Variants in IRGM observed in about 807,000 individuals in gnomAD.
IRGM encodes immunity related GTPase M, also known as immunity-related GTPase family M protein.
For synonymous variants in IRGM, 98 were observed against 80.6 expected, an observed-to-expected ratio of 1.22 and a Z score of -1.16; for missense variants, 288 against 219.9, an observed-to-expected ratio of 1.31 and a Z score of -1.96.
chr5:150,878,532 TTAAAA>T (rs1754399427), intron 2 of IRGM, among the ~76,000 whole-genome samples: 1 of 152,108 alleles, frequency 6.6e-6, no homozygotes, highest in African/African-American at 2.4e-5. Context: ...TACTTTCCAC[TTAAAA>T]TAAAAACATA....
chr5:150,883,337 C>A (rs1210043373), intron 3 of IRGM, among the ~76,000 whole-genome samples: 1 of 151,212 alleles, frequency 6.6e-6, no homozygotes, highest in Non-Finnish European at 1.5e-5. Context: ...TAGTGTTATA[C>A]CTCAAGGAAC....
chr5:150,853,107 C>T (rs930507923), downstream of IRGM, among the ~76,000 whole-genome samples: 5 of 152,100 alleles, frequency 3.3e-5, no homozygotes, highest in African/African-American at 1.2e-4. Context: ...CCTCTTCATA[C>T]TGCTTTTACA....
At chr5:150,901,313 A>G (rs1754987739), downstream of IRGM, among the ~76,000 whole-genome samples, 1 of 152,102 alleles carries the variant, frequency 6.6e-6, no homozygotes, top group Non-Finnish European at 1.5e-5. Context: ...AATAATATAC[A>G]TTTATTCCCA....
chr5:150,875,457 A>C (rs1369937884), intron 1 of IRGM, among the ~76,000 whole-genome samples: 1 of 152,204 alleles, frequency 6.6e-6, no homozygotes, highest in African/African-American at 2.4e-5. Context: ...ATTAGTGACA[A>C]AGAAATTTGG....
intron 1 of IRGM, among the ~76,000 whole-genome samples, chr5:150,860,888 T>A (rs2113264175): frequency 6.6e-6 from 1 of 152,292 alleles, no homozygotes; most frequent in Admixed American, 6.5e-5. Context: ...GGAAACTGAT[T>A]TTTTTTTCAG....
chr5:150,885,623 T>C (rs1385903602), intron 3 of IRGM, among the ~76,000 whole-genome samples: 4 of 152,116 alleles, frequency 2.6e-5, no homozygotes, highest in Non-Finnish European at 5.9e-5. Context: ...ATTGTAGAGA[T>C]CATTCACCTC....
At chr5:150,851,535 ATTTTT>A (rs1306739165), downstream of IRGM, among the ~76,000 whole-genome samples, 1 of 152,160 alleles carries the variant, frequency 6.6e-6, no homozygotes, top group African/African-American at 2.4e-5. Context: ...ATATGATTGA[ATTTTT>A]TGTTTTGTTC....
intron 1 of IRGM, among the ~76,000 whole-genome samples, chr5:150,874,988 G>T (rs567017048): frequency 6.6e-6 from 1 of 152,146 alleles, no homozygotes; most frequent in Non-Finnish European, 1.5e-5. Context: ...AGTGGGGCAC[G>T]CACAGCAGCA....
chr5:150,892,890 A>G (rs57001853), intron 3 of IRGM, among the ~76,000 whole-genome samples: 31,746 of 151,968 alleles, frequency 0.21, 5,360 homozygotes, highest in African/African-American at 0.45. Context: ...GATTACGGAC[A>G]TGAGCCACAA....
intron 3 of IRGM, among the ~76,000 whole-genome samples, chr5:150,889,389 T>C (rs1389425625): frequency 6.6e-6 from 1 of 152,058 alleles, no homozygotes; most frequent in Non-Finnish European, 1.5e-5. Flanking sequence ...ACTTATTTAC[T>C]ATCACAAGAA....
At chr5:150,887,115 C>A (rs1443447143) in intron 3 of IRGM, among the ~76,000 whole-genome samples, 1 of 151,688 alleles carries the variant, frequency 6.6e-6, no homozygotes. Context: ...GACAGAAATG[C>A]AATTCAGAAT....
At chr5:150,869,756 G>T (rs935984321) in intron 1 of IRGM, among the ~76,000 whole-genome samples, 1 of 152,020 alleles carries the variant, frequency 6.6e-6, no homozygotes, top group Admixed American at 6.6e-5. Context: ...AGCTCATGAG[G>T]CACCCACTTA....
chr5:150,847,352 T>C (rs974151972), intron 1 of IRGM, 132 bp downstream of exon 1: 3 of 152,364 alleles, frequency 2.0e-5, no homozygotes, highest in Non-Finnish European at 4.4e-5. Context: ...TCTTGAAATA[T>C]GTACTGAAAC....
At chr5:150,881,911 A>T (rs904638267) in intron 3 of IRGM, among the ~76,000 whole-genome samples, 9 of 152,166 alleles carry the variant, frequency 5.9e-5, no homozygotes. Flanking sequence ...AGCGAGGCAC[A>T]GTGGCTCACC....
intron 3 of IRGM, among the ~76,000 whole-genome samples, chr5:150,891,521 ACTTCT>A (rs1391687528): frequency 1.3e-5 from 2 of 151,896 alleles, no homozygotes; most frequent in African/African-American, 2.4e-5. Context: ...TGTTATGATT[ACTTCT>A]CTTCTTTTTG....
At chr5:150,867,766 T>C (rs1461494116) in intron 1 of IRGM, among the ~76,000 whole-genome samples, 2 of 152,100 alleles carry the variant, frequency 1.3e-5, no homozygotes, top group East Asian at 3.8e-4. Context: ...TCTTGGCCAT[T>C]TGTATATCTT....
intron 3 of IRGM, chr5:150,896,090 A>G (rs374986497): frequency 1.2e-6 from 2 of 1,613,450 alleles, no homozygotes; most frequent in Non-Finnish European, 1.7e-6. Flanking sequence ...CACACTCTCT[A>G]CATTCATAGG....
chr5:150,855,540 G>A (rs1045576569), intron 1 of IRGM, among the ~76,000 whole-genome samples: 1 of 152,186 alleles, frequency 6.6e-6, no homozygotes, highest in Non-Finnish European at 1.5e-5. Flanking sequence ...TAGGAAGAAT[G>A]TAAACTTATC....
At chr5:150,870,521 T>C (rs1754268408) in intron 1 of IRGM, among the ~76,000 whole-genome samples, 1 of 151,914 alleles carries the variant, frequency 6.6e-6, no homozygotes, top group Admixed American at 6.6e-5. Flanking sequence ...TTTTTTTTTT[T>C]TTTTTTGGAG....
Sources: gnomAD v4.1 joint callset for allele counts (sites outside exome capture counted in the v4.1 genomes callset) on GRCh38, gnomAD v4.1.1 for gene constraint, MANE v1.5 for transcripts, NCBI Gene and HGNC (gene_info 2026-07-23, HGNC 2026-07-21) for gene names.